PEMT: variants seen among roughly 807,000 people sequenced by gnomAD.
PEMT encodes phosphatidylethanolamine N-methyltransferase.
Under a neutral mutation model 27.4 loss-of-function variants are expected in PEMT, and 23 were observed. That is an observed-to-expected ratio of 0.84 (90% confidence interval 0.60 to 1.19). The LOEUF (loss-of-function observed/expected upper bound fraction) is 1.19, where lower values mean the gene tolerates loss of function less well. Among genes scored for constraint, PEMT ranks in the 50% most tolerant of loss-of-function variants. The probability of loss-of-function intolerance (pLI) is 0.00; values close to 1 mark genes in which losing one functional copy is unlikely to be tolerated. For missense variants in PEMT, 307 were observed against 310.1 expected (o/e 0.99, Z 0.07); for synonymous variants, 137 against 139.1 (o/e 0.98, Z 0.11).
intron 2 of PEMT, among the ~76,000 whole-genome samples, chr17:17,527,152 C>G (rs926086287): frequency 2.6e-5 from 4 of 152,350 alleles, no homozygotes; most frequent in African/African-American, 9.6e-5. Flanking sequence ...ATTCTCCTGC[C>G]TCAGCCTCCC....
intron 2 of PEMT, among the ~76,000 whole-genome samples, chr17:17,541,034 G>A (rs932131312): frequency 7.2e-5 from 11 of 152,206 alleles, no homozygotes; most frequent in South Asian, 2.1e-4. Context: ...CACCCTGGCC[G>A]CTGAGTGCTC....
In PEMT at chr17:17,561,366, G is replaced by A. The variant is rs1910460194; in HGVS notation, c.204+15554C>T. On this transcript the variant is annotated intron_variant, in intron 2 of 6. Transcript: ENST00000255389. The surrounding 1 kb of genome is among the most constrained non-coding windows in gnomAD (Gnocchi z 4.5). ...CAGCCACAGCCGGAACCCAAGCGGT[G>A]AGGCTGCAAGCTGGAAGCTAAGTCC... 6.6e-6 allele frequency among the ~76,000 whole-genome samples: 1 copy of A among 152,240 alleles called. No individual in the cohort carries two copies. Among genetic ancestry groups the A allele is most frequent in the Non-Finnish European group, 1.5e-5 (1 of 68,040 alleles).
chr17:17,506,986 G>C, intron 5 of PEMT: 1 of 638,092 alleles, frequency 1.6e-6, no homozygotes. Flanking sequence ...AGAGCATACA[G>C]CAGGCCCAAG....
intron 2 of PEMT, among the ~76,000 whole-genome samples, chr17:17,526,901 A>C (rs978944455): frequency 6.6e-5 from 10 of 152,208 alleles, no homozygotes; most frequent in African/African-American, 2.4e-4. Flanking sequence ...CAAGGCCTAC[A>C]CCAGCCCAGC....
At chr17:17,540,858 A>G (rs534157473) in intron 2 of PEMT, among the ~76,000 whole-genome samples, 5 of 152,278 alleles carry the variant, frequency 3.3e-5, no homozygotes, top group African/African-American at 1.2e-4. Flanking sequence ...CCCTGTGAGC[A>G]CCTCAAGGCA....
chr17:17,578,321 G>T (rs541704860), intron 1 of PEMT, among the ~76,000 whole-genome samples: 1 of 151,542 alleles, frequency 6.6e-6, no homozygotes, highest in African/African-American at 2.4e-5. Flanking sequence ...TTTGAGACCA[G>T]TCTAGGCAAC....
At chr17:17,571,677 A>C (rs1911205381) in intron 2 of PEMT, among the ~76,000 whole-genome samples, 1 of 151,392 alleles carries the variant, frequency 6.6e-6, no homozygotes, top group Admixed American at 6.6e-5. Flanking sequence ...GCTCCCCAGG[A>C]GTCCAGACTC....
chr17:17,531,711 A>G (rs1908113666), intron 2 of PEMT, among the ~76,000 whole-genome samples: 2 of 151,304 alleles, frequency 1.3e-5, no homozygotes, highest in Admixed American at 1.3e-4. Flanking sequence ...AAATAGAAAT[A>G]TAAACCTAAA....
chr17:17,516,040 C>T lies in PEMT; in HGVS notation c.321-3386G>A, dbSNP rs70963030. On this transcript the variant is annotated intron_variant, in intron 3 of 6. Coordinates refer to ENST00000255389, the MANE Select transcript of PEMT (RefSeq NM_148172.3). The stretch of plus-strand genomic sequence containing the variant: ...ACCAGGCCAGAGGCACACGGCCCCA[C>T]CTGGGACAGGCCTGTCCCGTTTCTA... Among the ~76,000 whole-genome samples the T allele has an allele frequency of 2.4e-3, 367 of 152,304 alleles. 4 individuals carry two copies. The highest frequency in any genetic ancestry group is 8.3e-3 in the African/African-American group (346 of 41,568).
rs35067579 is a variant in PEMT at position 17,571,711 on chromosome 17, G to GTTT, written c.204+5206_204+5208dup. Among the ~76,000 whole-genome samples, 18 of 144,932 alleles carry GTTT rather than the reference G, an allele frequency of 1.2e-4. No individual in the cohort carries two copies. In the East Asian group the frequency reaches 2.6e-3, roughly 21 times the overall value. ...TCACACACAGTCTGTTTTGTTTTGG[G>GTTT]TTTTTTTTTTTTTCTGATACAGGGT... On this transcript the variant is annotated intron_variant, in intron 2 of 6. Transcript: ENST00000255389.
At chr17:17,535,629 A>G (rs748414148) in intron 2 of PEMT, among the ~76,000 whole-genome samples, 1 of 152,120 alleles carries the variant, frequency 6.6e-6, no homozygotes, top group Non-Finnish European at 1.5e-5. Flanking sequence ...TGCATGTGAG[A>G]TATTTACTGA....
chr17:17,588,303 G>A (rs977082986), intron 1 of PEMT, among the ~76,000 whole-genome samples: 6 of 152,142 alleles, frequency 3.9e-5, no homozygotes, highest in Admixed American at 1.3e-4. Context: ...TTTTGGAAAC[G>A]ATTTTGGATA....
intron 2 of PEMT, among the ~76,000 whole-genome samples, chr17:17,529,018 C>A (rs574744107): frequency 3.3e-4 from 50 of 152,380 alleles, no homozygotes; most frequent in African/African-American, 1.1e-3. Context: ...CTGGACCCCT[C>A]TCCCTTCTCA....
rs1352850241 is a variant in PEMT, at chr17:17,509,967, C to A, written c.467-422G>T. The stretch of plus-strand genomic sequence containing the variant: ...GCAGACCCTTCCTCTTCCTGTCCTA[C>A]CTCCCACTCTTCCTCGCTCTGGTGA... On this transcript the variant is annotated intron_variant, in intron 4 of 6. Transcript: ENST00000255389. 2.0e-5 allele frequency among the ~76,000 whole-genome samples: 3 copies of A among 152,168 alleles called. No individual in the cohort carries two copies. In the South Asian group the frequency reaches 6.2e-4, roughly 32 times the overall value.
chr17:17,534,531 C>G (rs2062982944), intron 2 of PEMT, among the ~76,000 whole-genome samples: 1 of 152,220 alleles, frequency 6.6e-6, no homozygotes, highest in South Asian at 2.1e-4. Flanking sequence ...AGAAACACAT[C>G]AAAACTCAAA....
At position 17,523,778 on chromosome 17, in the gene PEMT, G is replaced by A. The variant is rs191611156; in HGVS notation, c.205-1383C>T. ...AGGAGCAGTCTGCAGAGAGCACCGC[G>A]GGGGCCCAGGACCACAGCCTGCTTT... is the stretch of plus-strand genomic sequence containing the variant. On this transcript the variant is annotated intron_variant, in intron 2 of 6. Transcript: ENST00000255389. This position sits in a 1 kb window ranked among gnomAD's most constrained non-coding sequence, Gnocchi z 4.8. Among the ~76,000 whole-genome samples the A allele has an allele frequency of 7.9e-5, 12 of 152,234 alleles. No homozygotes were observed. In the East Asian group the frequency reaches 9.7e-4, roughly 12 times the overall value.
intron 3 of PEMT, among the ~76,000 whole-genome samples, chr17:17,520,588 G>T (rs1273059861): frequency 1.3e-5 from 2 of 152,234 alleles, no homozygotes; most frequent in Non-Finnish European, 2.9e-5. Flanking sequence ...AAGCATGCAG[G>T]CTGTGCAGAC....
intron 2 of PEMT, among the ~76,000 whole-genome samples, chr17:17,565,900 G>A (rs1395733239): frequency 1.3e-5 from 2 of 152,166 alleles, no homozygotes; most frequent in Non-Finnish European, 2.9e-5. Flanking sequence ...TTCCACTCAT[G>A]CAAGAGCTCT....
intron 4 of PEMT, 58 bp from the exon 5 acceptor site, chr17:17,509,603 A>C: frequency 8.3e-7 from 1 of 1,198,366 alleles, no homozygotes; most frequent in East Asian, 2.3e-5. Context: ...CCACACCATC[A>C]CTGAGGGAGG....
Sources: allele counts gnomAD v4.1 joint callset (sites outside exome capture counted in the v4.1 genomes callset), GRCh38; gene constraint gnomAD v4.1.1; non-coding constraint Gnocchi (gnomAD v3.1); transcripts MANE v1.5; gene names NCBI Gene and HGNC (gene_info 2026-07-23, HGNC 2026-07-21).